The following LRP1B variants were observed in gnomAD, a reference collection of about 807,000 sequenced individuals.
LRP1B encodes the protein low-density lipoprotein receptor-related protein 1B.
Under a neutral mutation model 556.6 loss-of-function variants are expected in LRP1B, and 217 were observed. The observed-to-expected ratio is 0.39, with a 90% CI of 0.35 to 0.44. The LOEUF (loss-of-function observed/expected upper bound fraction) is 0.44, where lower values mean the gene tolerates loss of function less well. LRP1B is among the 20% of genes least tolerant of loss of function. The probability of loss-of-function intolerance (pLI) is 1.00; values close to 1 mark genes in which losing one functional copy is unlikely to be tolerated. For missense variants in LRP1B, 5,053 were observed against 5,620.8 expected, an observed-to-expected ratio of 0.90 and a Z score of 3.23; for synonymous variants, 2,047 against 1,865.8, an observed-to-expected ratio of 1.10 and a Z score of -2.50.
In LRP1B at chr2:141,188,516, C is replaced by A. The variant is rs763270918; in HGVS notation, c.918G>T (p.Arg306=). ...NLYFVDHVGD[R]IFVCNSNGSV... Reference sequence around the variant, plus strand: ...AACCGTTGGAATTACAAACAAAGATCCGGTCACCGACATGGTCCACAAAAT... The same window carrying A: ...AACCGTTGGAATTACAAACAAAGATACGGTCACCGACATGGTCCACAAAAT... The change falls in exon 7 of 91, where the codon CGG becomes CGT. Residue 306 remains arginine (R), a synonymous_variant. Coordinates refer to ENST00000389484, the MANE Select transcript of LRP1B (RefSeq NM_018557.3). The A allele has an allele frequency of 6.2e-7, 1 of 1,612,762 alleles. No individual in the cohort carries two copies. The highest frequency in any genetic ancestry group is 1.1e-5 in the South Asian group (1 of 91,032).
intron 44 of LRP1B, 149 bp from the exon 45 acceptor site, chr2:140,541,247 T>C: frequency 1.6e-6 from 1 of 644,692 alleles, no homozygotes; most frequent in South Asian, 2.0e-5. Flanking sequence ...AATCTAAGCA[T>C]TCCTAAGGCT....
intron 7 of LRP1B, among the ~76,000 whole-genome samples, chr2:141,163,659 G>A (rs1422353960): frequency 6.6e-6 from 1 of 152,002 alleles, no homozygotes; most frequent in Non-Finnish European, 1.5e-5. Context: ...TATCTCATGA[G>A]ATCTGATTTT....
chr2:141,778,083 C>A (rs1695135727), intron 2 of LRP1B, among the ~76,000 whole-genome samples: 1 of 151,994 alleles, frequency 6.6e-6, no homozygotes. Flanking sequence ...TTTGGAAAAC[C>A]AAATAGCATT....
chr2:142,069,779 A>G (rs891331665), intron 1 of LRP1B, among the ~76,000 whole-genome samples: 1 of 151,802 alleles, frequency 6.6e-6, no homozygotes, highest in Non-Finnish European at 1.5e-5. Context: ...ATAATTCTAT[A>G]TGATAAAATA....
At chr2:141,123,000 C>A (rs577164082) in intron 7 of LRP1B, among the ~76,000 whole-genome samples, 27 of 152,058 alleles carry the variant, frequency 1.8e-4, no homozygotes, top group African/African-American at 6.5e-4. Context: ...ATTGCAAGGA[C>A]AGAAAACCAA....
chr2:142,117,420 C>T lies in LRP1B; in HGVS notation c.82+13228G>A, dbSNP rs369984015. On this transcript the variant is annotated intron_variant, in intron 1 of 90. Transcript: ENST00000389484. The stretch of plus-strand genomic sequence containing the variant: ...AGTCGAAATATCTAGTCATTATGCT[C>T]GGCTCTCTAGGGCCATCTTTTGCCT... 3.0e-4 allele frequency among the ~76,000 whole-genome samples: 46 copies of T among 152,186 alleles called. 1 individual carries two copies. Among genetic ancestry groups the T allele is most frequent in the African/African-American group, 1.0e-3 (43 of 41,552 alleles).
chr2:140,443,665 C>A (rs1220639071), intron 65 of LRP1B, among the ~76,000 whole-genome samples: 3 of 152,164 alleles, frequency 2.0e-5, no homozygotes, highest in African/African-American at 7.2e-5. Flanking sequence ...TGCGTGCAAG[C>A]ATGTGCATGC....
chr2:141,374,527 CTT>C (rs1689355944), intron 3 of LRP1B, among the ~76,000 whole-genome samples: 1 of 152,078 alleles, frequency 6.6e-6, no homozygotes, highest in African/African-American at 2.4e-5. Flanking sequence ...AGTCCAGTCA[CTT>C]TATGTGGTTT....
At chr2:141,526,198 G>A (rs926160464) in intron 2 of LRP1B, among the ~76,000 whole-genome samples, 3 of 151,998 alleles carry the variant, frequency 2.0e-5, no homozygotes, top group Non-Finnish European at 4.4e-5. Context: ...TTTCACAAGT[G>A]TAAATGAGAA....
intron 7 of LRP1B, among the ~76,000 whole-genome samples, chr2:141,120,152 T>C (rs1214141674): frequency 6.6e-6 from 1 of 151,892 alleles, no homozygotes; most frequent in Non-Finnish European, 1.5e-5. Flanking sequence ...GAATTTCAGA[T>C]TTGAAATTAT....
chr2:141,279,441 A>G (rs1271001784), intron 3 of LRP1B, among the ~76,000 whole-genome samples: 3 of 152,092 alleles, frequency 2.0e-5, no homozygotes, highest in Non-Finnish European at 2.9e-5. Flanking sequence ...TGATTACTCA[A>G]AGAGTTAATT....
chr2:141,822,500 C>A (rs574767756), intron 1 of LRP1B, among the ~76,000 whole-genome samples: 1 of 152,282 alleles, frequency 6.6e-6, no homozygotes, highest in African/African-American at 2.4e-5. Context: ...CACGATCCTT[C>A]TCCAATCTCC....
intron 1 of LRP1B, among the ~76,000 whole-genome samples, chr2:141,885,437 C>T (rs945402843): frequency 2.0e-5 from 3 of 152,096 alleles, no homozygotes; most frequent in African/African-American, 7.2e-5. Context: ...ATAAGCTCTT[C>T]GTTTTCACCT....
intron 2 of LRP1B, among the ~76,000 whole-genome samples, chr2:141,804,193 T>C (rs1179039825): frequency 6.6e-6 from 1 of 152,110 alleles, no homozygotes; most frequent in Non-Finnish European, 1.5e-5. Flanking sequence ...GGATCCTGCT[T>C]TATCTCAGTA....
At chr2:141,780,733 G>T (rs554722406) in intron 2 of LRP1B, among the ~76,000 whole-genome samples, 181 of 152,250 alleles carry the variant, frequency 1.2e-3, no homozygotes, top group African/African-American at 4.2e-3. Flanking sequence ...TTATCATTCT[G>T]TGAACTATAT....
chr2:141,896,050 A>G (rs1487958025), intron 1 of LRP1B, among the ~76,000 whole-genome samples: 1 of 152,160 alleles, frequency 6.6e-6, no homozygotes, highest in African/African-American at 2.4e-5. Flanking sequence ...TTCCAACATT[A>G]TTTTCCCATA....
intron 43 of LRP1B, among the ~76,000 whole-genome samples, chr2:140,562,913 A>G (rs1220764751): frequency 6.6e-6 from 1 of 152,112 alleles, no homozygotes; most frequent in East Asian, 1.9e-4. Flanking sequence ...ACCATGCCCC[A>G]GCTGAGATTT....
intron 1 of LRP1B, among the ~76,000 whole-genome samples, chr2:141,972,106 A>G (rs567283899): frequency 6.6e-6 from 1 of 151,730 alleles, no homozygotes; most frequent in Non-Finnish European, 1.5e-5. Flanking sequence ...GATGTTTGCA[A>G]CTATGTAAAC....
At chr2:140,999,811 G>T (rs10194332) in intron 15 of LRP1B, among the ~76,000 whole-genome samples, 83,571 of 151,826 alleles carry the variant, frequency 0.55, 24,439 homozygotes, top group Non-Finnish European at 0.65. Flanking sequence ...AGGATGAAAG[G>T]TTGGAGATAC....
Sources: gnomAD v4.1 joint callset for allele counts (sites outside exome capture counted in the v4.1 genomes callset) on GRCh38, gnomAD v4.1.1 for gene constraint, MANE v1.5 for transcripts, NCBI Gene and HGNC (gene_info 2026-07-23, HGNC 2026-07-21) for gene names.